The following MARCHF1 variants were observed in gnomAD, a reference collection of about 807,000 sequenced individuals.
MARCHF1 encodes the protein E3 ubiquitin-protein ligase MARCHF1.
In MARCHF1, 40 loss-of-function variants were observed where a neutral mutation model predicts 54.2. The ratio of observed to expected loss-of-function variants is 0.74; its 90% confidence interval spans 0.57 to 0.96. The LOEUF (loss-of-function observed/expected upper bound fraction) is 0.96, where lower values mean the gene tolerates loss of function less well. MARCHF1 is among the 40% of genes least tolerant of loss of function. MARCHF1 has a pLI of 0.00. For missense variants in MARCHF1, 586 were observed against 656.5 expected, an observed-to-expected ratio of 0.89 and a Z score of 1.17; for synonymous variants, 236 against 236.3, an observed-to-expected ratio of 1.00 and a Z score of 0.01.
intron 1 of MARCHF1, among the ~76,000 whole-genome samples, chr4:164,380,643 T>C (rs975727591): frequency 6.6e-6 from 1 of 152,232 alleles, no homozygotes; most frequent in Non-Finnish European, 1.5e-5. Flanking sequence ...AATATTTTTA[T>C]TTTATTTTTA....
rs1351590220 is a variant in MARCHF1 at position 163,676,307 on chromosome 4, A to G, written c.162+24506T>C. Among the ~76,000 whole-genome samples, 5 of 150,620 alleles carry G rather than the reference A, an allele frequency of 3.3e-5. No homozygotes were observed. In the East Asian group the frequency reaches 9.8e-4, roughly 30 times the overall value. On this transcript the variant is annotated intron_variant, in intron 5 of 9. Transcript: ENST00000514618. ...GGGAGGCGGATGTTGCAGTGAGCCG[A>G]GGTTGCGCCATTGCACTCCAGCCTG...
At chr4:163,630,781 G>T (rs967776132) in intron 5 of MARCHF1, among the ~76,000 whole-genome samples, 46 of 151,716 alleles carry the variant, frequency 3.0e-4, no homozygotes, top group Non-Finnish European at 5.9e-4. Flanking sequence ...AAAGAAAAAG[G>T]GAAAGAAGAG....
chr4:164,320,736 C>T (rs368258276), intron 1 of MARCHF1, among the ~76,000 whole-genome samples: 14 of 151,934 alleles, frequency 9.2e-5, no homozygotes, highest in East Asian at 1.9e-4. Flanking sequence ...CTGGTGACCC[C>T]TCCAAAACAA....
chr4:164,291,661 C>T (rs1405917434), intron 1 of MARCHF1, among the ~76,000 whole-genome samples: 1 of 152,022 alleles, frequency 6.6e-6, no homozygotes, highest in African/African-American at 2.4e-5. Context: ...GGCTACAAAC[C>T]TGTACAGCAT....
intron 3 of MARCHF1, among the ~76,000 whole-genome samples, chr4:163,892,919 CAT>C (rs1219635033): frequency 5.3e-5 from 8 of 151,294 alleles, no homozygotes; most frequent in African/African-American, 1.9e-4. Flanking sequence ...GTTCCTTGAA[CAT>C]ATATTTCCAC....
At chr4:163,649,735 T>C (rs1579157384) in intron 5 of MARCHF1, among the ~76,000 whole-genome samples, 1 of 146,508 alleles carries the variant, frequency 6.8e-6, no homozygotes, top group African/African-American at 2.6e-5. Context: ...CATGATACCC[T>C]GTGGAGTCTC....
chr4:164,195,230 G>GT (rs534645067), intron 1 of MARCHF1, among the ~76,000 whole-genome samples: 17 of 150,960 alleles, frequency 1.1e-4, no homozygotes, highest in South Asian at 2.1e-4. Context: ...CTAGAAAATT[G>GT]TTTTTTTTCT....
At chr4:163,712,207 C>T (rs189562829) in intron 4 of MARCHF1, among the ~76,000 whole-genome samples, 136 of 152,102 alleles carry the variant, frequency 8.9e-4, no homozygotes, top group African/African-American at 3.0e-3. Flanking sequence ...ACTTTAATGG[C>T]CATATATTTT....
intron 1 of MARCHF1, among the ~76,000 whole-genome samples, chr4:164,265,037 T>C (rs1379390608): frequency 6.6e-6 from 1 of 152,164 alleles, no homozygotes; most frequent in Non-Finnish European, 1.5e-5. Context: ...GTAATAGCTT[T>C]GTATTTGAAA....
At chr4:163,591,056 T>A (rs1169857556) in intron 7 of MARCHF1, among the ~76,000 whole-genome samples, 1 of 151,298 alleles carries the variant, frequency 6.6e-6, no homozygotes, top group Non-Finnish European at 1.5e-5. Context: ...TAATAATCAA[T>A]TATTTCATAT....
chr4:163,836,326 A>G (rs1749182735), intron 4 of MARCHF1, among the ~76,000 whole-genome samples: 2 of 150,658 alleles, frequency 1.3e-5, no homozygotes. Flanking sequence ...GCTCACTGCA[A>G]ACTGCGCCTC....
At chr4:164,144,635 C>T (rs374560226) in intron 1 of MARCHF1, among the ~76,000 whole-genome samples, 3 of 138,420 alleles carry the variant, frequency 2.2e-5, no homozygotes, top group African/African-American at 5.9e-5. Context: ...AGAACAAAGA[C>T]ACAACATACC....
At position 163,890,304 on chromosome 4, in the gene MARCHF1, T is replaced by TA. The variant is rs1482210915; in HGVS notation, c.-38-36136dup. Among the ~76,000 whole-genome samples, 16 of 152,286 alleles carry TA rather than the reference T, an allele frequency of 1.1e-4. No homozygotes were observed. The East Asian group carries it at 2.9e-3, about 28-fold the overall frequency. On this transcript the variant is annotated intron_variant, in intron 3 of 9. Transcript: ENST00000514618. Reference sequence around the variant, plus strand: ...GATGTTTTGTGCCAAAATTAATAAGTAAAATTCATTTCCTTTATTTCACAA... The same window carrying TA: ...GATGTTTTGTGCCAAAATTAATAAGTAAAAATTCATTTCCTTTATTTCACAA...
intron 1 of MARCHF1, among the ~76,000 whole-genome samples, chr4:164,116,584 G>A (rs76900462): frequency 0.01 from 1,542 of 151,276 alleles, 32 homozygotes; most frequent in East Asian, 0.08. Context: ...CACTAGCCAC[G>A]TGTAAATTTA....
chr4:163,948,101 G>A (rs1280071078), intron 3 of MARCHF1, among the ~76,000 whole-genome samples: 1 of 152,040 alleles, frequency 6.6e-6, no homozygotes, highest in Non-Finnish European at 1.5e-5. Context: ...TTCTACTATA[G>A]CACATTACAA....
chr4:163,610,471 G>A (rs1741300763), intron 7 of MARCHF1, among the ~76,000 whole-genome samples: 1 of 152,050 alleles, frequency 6.6e-6, no homozygotes, highest in South Asian at 2.1e-4. Context: ...AGGAGAACCA[G>A]TCACTACGAC....
intron 2 of MARCHF1, among the ~76,000 whole-genome samples, chr4:164,060,689 C>G (rs774839005): frequency 1.3e-5 from 2 of 152,032 alleles, no homozygotes; most frequent in Non-Finnish European, 2.9e-5. Context: ...CCCCTAGGAA[C>G]AGAACTTGGA....
chr4:163,864,019 T>A (rs1184586964), intron 3 of MARCHF1, among the ~76,000 whole-genome samples: 2 of 151,946 alleles, frequency 1.3e-5, no homozygotes, highest in African/African-American at 4.8e-5. Context: ...TATACTGATA[T>A]AATGAATGAT....
intron 1 of MARCHF1, among the ~76,000 whole-genome samples, chr4:164,347,110 GCCATAGTTGGTACT>G (rs1349725971): frequency 2.6e-5 from 4 of 151,882 alleles, no homozygotes; most frequent in African/African-American, 9.7e-5. Context: ...ACTGAATCCG[GCCATAGTTGGTACT>G]CCACATTTGC....
Sources: allele counts gnomAD v4.1 joint callset (sites outside exome capture counted in the v4.1 genomes callset), GRCh38; gene constraint gnomAD v4.1.1; transcripts MANE v1.5; gene names NCBI Gene and HGNC (gene_info 2026-07-23, HGNC 2026-07-21).